Variants in EEF1D observed in about 807,000 individuals in gnomAD.
EEF1D encodes the protein elongation factor 1-delta.
A neutral mutation model predicts 63.9 loss-of-function variants in EEF1D; 47 were observed. The observed-to-expected ratio is 0.74, with a 90% CI of 0.58 to 0.94. The LOEUF (loss-of-function observed/expected upper bound fraction) is 0.94. Among genes scored for constraint, EEF1D ranks in the 40% least tolerant of loss-of-function variants. The probability of loss-of-function intolerance (pLI) is 0.00; values close to 1 mark genes in which losing one functional copy is unlikely to be tolerated. For missense variants in EEF1D, 907 were observed against 899.0 expected, an observed-to-expected ratio of 1.01 and a Z score of -0.11; for synonymous variants, 412 against 386.1, an observed-to-expected ratio of 1.07 and a Z score of -0.79.
At chr8:143,579,940 G>GCA in intron 9 of EEF1D, 72 bp downstream of exon 9, 1 of 1,564,096 alleles carries the variant, frequency 6.4e-7, no homozygotes, top group African/African-American at 1.4e-5. Context: ...CCACTGCCGT[G>GCA]GGGTGGAGTG....
intron 2 of EEF1D, 74 bp from the exon 3 acceptor site, chr8:143,590,155 A>G (rs1554670221): frequency 1.5e-6 from 2 of 1,343,772 alleles, no homozygotes; most frequent in Admixed American, 2.0e-5. Context: ...CCCCGTGCCC[A>G]CCCTCCCCGT....
chr8:143,584,690 C>A (rs998140944), intron 5 of EEF1D, among the ~76,000 whole-genome samples: 1 of 121,144 alleles, frequency 8.3e-6, no homozygotes, highest in Non-Finnish European at 1.8e-5. Flanking sequence ...AGAGAAAACA[C>A]GTCATCTTCT....
intron 3 of EEF1D, 178 bp downstream of exon 3, chr8:143,588,813 C>G: frequency 1.2e-6 from 1 of 856,464 alleles, no homozygotes; most frequent in Non-Finnish European, 1.7e-6. Flanking sequence ...CTGGAACCCA[C>G]AAGCGCAGCA....
At position 143,580,173 on chromosome 8, in the gene EEF1D, C is replaced by A. The variant is rs369455025; in HGVS notation, c.1744G>T (p.Ala582Ser). ...TCCAGCTGGATAGAGCGCACACAGGCCTCCAGCTGGGCCATGTCCGTCTCA... is the reference window on the plus strand; with the variant it reads ...TCCAGCTGGATAGAGCGCACACAGGACTCCAGCTGGGCCATGTCCGTCTCA... ...DDETDMAQLE[A>S]CVRSIQLDGL... Residue 582 changes from alanine (A) to serine (S), a missense_variant, in exon 9 of 10, where the codon GCC becomes TCC. Ala to Ser is a moderately conservative substitution (Grantham distance 99). Coordinates refer to ENST00000618139, the MANE Select transcript of EEF1D (RefSeq NM_001130053.5). The A allele has an allele frequency of 1.5e-5, 24 of 1,613,606 alleles. No individual in the cohort carries two copies. Among genetic ancestry groups the A allele is most frequent in the African/African-American group, 2.7e-5 (2 of 74,918 alleles).
intron 1 of EEF1D, chr8:143,596,881 G>A (rs1409317292): frequency 6.6e-6 from 1 of 152,326 alleles, no homozygotes; most frequent in Non-Finnish European, 1.5e-5. Flanking sequence ...GTGCTCACTA[G>A]CGTCTAAGTT....
rs770538454 is a variant in EEF1D at position 143,589,984 on chromosome 8, G to A, written c.98C>T (p.Thr33Ile). Residue 33 changes from threonine (T) to isoleucine (I), a missense_variant, in exon 3 of 10, where the codon ACA becomes ATA. Transcript: ENST00000618139. The stretch of plus-strand genomic sequence containing the variant: ...CTGCTGGGCGGAGGCGGCCGCCTGT[G>A]TGGCCTCGTGTTCGTAGAAGCGCCG... ...AERRFYEHEA[T>I]QAAASAQQLP... 5 of 1,599,408 alleles carry A rather than the reference G, an allele frequency of 3.1e-6. No homozygotes were observed. The highest frequency in any genetic ancestry group is 4.2e-6 in the Non-Finnish European group (5 of 1,179,690).
chr8:143,590,358 T>C (rs1371399167), intron 2 of EEF1D: 12 of 630,150 alleles, frequency 1.9e-5, no homozygotes, highest in African/African-American at 5.5e-5. Flanking sequence ...TGCCTCCCAA[T>C]ACATGAACAA....
intron 1 of EEF1D, among the ~76,000 whole-genome samples, chr8:143,595,623 C>G (rs1828668828): frequency 6.6e-6 from 1 of 152,248 alleles, no homozygotes; most frequent in Non-Finnish European, 1.5e-5. Flanking sequence ...CTGCATATCT[C>G]AGAGCACTCA....
intron 2 of EEF1D, chr8:143,590,439 C>T: frequency 1.2e-6 from 1 of 846,886 alleles, no homozygotes; most frequent in Non-Finnish European, 1.7e-6. Context: ...AATTTTTCGT[C>T]ATTTATCTGA....
At chr8:143,586,957 A>G (rs768617445) in intron 3 of EEF1D, 105 bp from the exon 4 acceptor site, 5 of 1,494,120 alleles carry the variant, frequency 3.3e-6, no homozygotes, top group South Asian at 1.2e-5. Flanking sequence ...CGCTTCAGAC[A>G]CCAGCGGTTC....
At chr8:143,586,380 A>C in intron 4 of EEF1D, 90 bp from the exon 5 acceptor site, 5 of 1,204,762 alleles carry the variant, frequency 4.2e-6, no homozygotes, top group Non-Finnish European at 5.7e-6. Context: ...ATGAACCCTC[A>C]CATAGAGACA....
intron 3 of EEF1D, among the ~76,000 whole-genome samples, chr8:143,587,969 T>C (rs2131055568): frequency 6.6e-6 from 1 of 152,264 alleles, no homozygotes; most frequent in East Asian, 1.9e-4. Context: ...AGTCTGTGTG[T>C]GGACTCCGGA....
chr8:143,589,739 T>G lies in EEF1D; in HGVS notation c.343A>C (p.Lys115Gln). The G allele has an allele frequency of 6.6e-7, 1 of 1,524,920 alleles. No individual in the cohort carries two copies. 94.5% of individuals were successfully genotyped at this position (1,524,920 alleles called of 1,614,324 possible). A position where few individuals can be genotyped will look rare whatever the true frequency, so the allele number is the denominator to read the frequency against. The change falls in exon 3 of 10, where the codon AAG (lysine) becomes CAG (glutamine). Residue 115 changes from lysine to glutamine, a missense_variant. Transcript: ENST00000618139. ...CTCTCTGCCTGGTCGAAAAGTGACT[T>G]GTCCAGCCACACGCGTTCGGCCGAG... ...GLSAERVWLD[K>Q]SLFDQAESSY...
Position 143,581,324 on chromosome 8 carries a change from G to C in EEF1D, c.1292C>G (p.Ser431Ter). The C allele has an allele frequency of 6.2e-7, 1 of 1,610,728 alleles. No individual in the cohort carries two copies. The highest frequency in any genetic ancestry group is 8.5e-7 in the Non-Finnish European group (1 of 1,179,660). The change falls in exon 6 of 10, where the codon TCA (serine) becomes TGA (stop). Residue 431 changes from serine to a stop codon, truncating the protein, a stop_gained. Coordinates refer to ENST00000618139, the MANE Select transcript of EEF1D (RefSeq NM_001130053.5). LOFTEE classifies it high-confidence loss of function. ...ENIQKSLAGS[S>*]GPGASSGTSG... ...GGTGCCGCTGGAGGCCCCGGGGCCT[G>C]AGCTCTGCAAGGCAGGAGGAGGGGA...
intron 4 of EEF1D, 127 bp downstream of exon 4, chr8:143,586,602 G>T: frequency 7.3e-7 from 1 of 1,371,196 alleles, no homozygotes; most frequent in Non-Finnish European, 9.8e-7. Context: ...CCCACTCCCA[G>T]CACCCACAGC....
In EEF1D at chr8:143,588,727, G is replaced by GAGATTC. The variant is rs541355299; in HGVS notation, c.1091+258_1091+263dup. On this transcript the variant is annotated intron_variant, in intron 3 of 9. Coordinates refer to ENST00000618139, the MANE Select transcript of EEF1D (RefSeq NM_001130053.5). ...CCAAAGAGGGACCCTGGGCAAGGCA[G>GAGATTC]AGATTCTGCCCTGTGCTGAGCCCTT... 6.6e-4 allele frequency: 336 copies of GAGATTC among 512,322 alleles called. 4 individuals carry two copies. The highest frequency in any genetic ancestry group is 6.2e-3 in the African/African-American group (313 of 50,312). The allele number at this position is 512,322 out of a possible 1,614,324, so 31.7% of individuals were successfully genotyped here. A position where few individuals can be genotyped will look rare whatever the true frequency, so the allele number is the denominator to read the frequency against.
chr8:143,584,651 G>A (rs1242312840), intron 5 of EEF1D, among the ~76,000 whole-genome samples: 1 of 152,134 alleles, frequency 6.6e-6, no homozygotes, highest in Admixed American at 6.6e-5. Flanking sequence ...GGCCCTCGGT[G>A]AGGACTCAGA....
In EEF1D at chr8:143,580,065, C is replaced by G; in HGVS notation, c.1852G>C (p.Asp618His). The G allele has an allele frequency of 6.2e-7, 1 of 1,614,028 alleles. No individual in the cohort carries two copies. The highest frequency in any genetic ancestry group is 8.5e-7 in the Non-Finnish European group (1 of 1,180,002). The stretch of plus-strand genomic sequence containing the variant: ...TCCAGCAAGTCTGTCCCCACCTTGT[C>G]GTCCTCCACCACACACTGAATCTGT... Reference protein sequence around the residue: ...KLQIQCVVEDDKVGTDLLEEE... With the variant: ...KLQIQCVVEDHKVGTDLLEEE... Residue 618 changes from aspartate to histidine, a missense_variant, in exon 9 of 10, where the codon GAC (aspartate) becomes CAC (histidine). Coordinates refer to ENST00000618139, the MANE Select transcript of EEF1D (RefSeq NM_001130053.5).
rs752068501 is a variant in EEF1D, at chr8:143,589,697, G to A, written c.385C>T (p.Leu129=). 3.9e-6 allele frequency: 6 copies of A among 1,526,658 alleles called. No homozygotes were observed. The highest frequency in any genetic ancestry group is 4.4e-6 in the Non-Finnish European group (5 of 1,136,448). The allele number at this position is 1,526,658 out of a possible 1,614,324, so 94.6% of individuals were successfully genotyped here. The change falls in exon 3 of 10, where the codon CTG becomes TTG. Residue 129 remains leucine, a synonymous_variant. Transcript: ENST00000618139. The stretch of plus-strand genomic sequence containing the variant: ...GCTGCCTGGGCAGCCACATCTGCCA[G>A]CTTCTGGCGGTAGGAGCTCTCTGCC... ...DQAESSYRQK[L]ADVAAQAAWP...
Sources: allele counts gnomAD v4.1 joint callset (sites outside exome capture counted in the v4.1 genomes callset), GRCh38; gene constraint gnomAD v4.1.1; transcripts MANE v1.5; gene names NCBI Gene and HGNC (gene_info 2026-07-23, HGNC 2026-07-21).